The following BDH1 variants were observed in gnomAD, a reference collection of about 807,000 sequenced individuals.
BDH1 encodes the protein D-beta-hydroxybutyrate dehydrogenase, mitochondrial.
In BDH1, 30 loss-of-function variants were observed where a neutral mutation model predicts 33.1. The ratio of observed to expected loss-of-function variants is 0.91; its 90% CI spans 0.68 to 1.23. BDH1 has a LOEUF of 1.23. BDH1 is among the 50% of genes most tolerant of loss of function. BDH1 has a pLI of 0.00. For missense variants in BDH1, 443 were observed against 464.4 expected (o/e 0.95, Z 0.42); for synonymous variants, 190 against 183.6 (o/e 1.03, Z -0.28).
In BDH1 at chr3:197,522,052, C is replaced by A. The variant is rs1713608836; in HGVS notation, c.409+588G>T. Among the ~76,000 whole-genome samples, 1 of 152,130 alleles carries A rather than the reference C, an allele frequency of 6.6e-6. No individual in the cohort carries two copies. Among genetic ancestry groups the A allele is most frequent in the Non-Finnish European group, 1.5e-5 (1 of 68,020 alleles). ...CTGACCCATGACTCATATTGAGGTG[C>A]CGGCTAATCCCACCACTTGACCAAC... On this transcript the variant is annotated intron_variant, in intron 6 of 7. Coordinates refer to ENST00000392379, the MANE Select transcript of BDH1 (RefSeq NM_203314.3). This position sits in a 1 kb window ranked among gnomAD's most constrained non-coding sequence, Gnocchi z 4.8.
intron 7 of BDH1, among the ~76,000 whole-genome samples, chr3:197,513,033 C>A (rs1712246768): frequency 6.6e-6 from 1 of 152,142 alleles, no homozygotes. Context: ...GGGTGGAGAC[C>A]AGGACCGCCT....
intron 4 of BDH1, 118 bp downstream of exon 4, chr3:197,533,371 G>T: frequency 2.0e-6 from 2 of 1,018,626 alleles, no homozygotes; most frequent in East Asian, 2.4e-5. Flanking sequence ...TGAGAAAGTG[G>T]CTCCCAGTGT....
chr3:197,511,986 CGGGTGT>C lies in BDH1; in HGVS notation c.935_940del (p.Tyr312_Arg314delinsCys), dbSNP rs747438713. ...CCAGTAGTAGTCCATGGGGTGGTAG[CGGGTGT>C]AGGGGGTGGTGGCGGTCAGGGCGTG... On this transcript the variant is annotated inframe_deletion, in exon 8 of 8. Coordinates refer to ENST00000392379, the MANE Select transcript of BDH1 (RefSeq NM_203314.3). 1 of 1,611,596 alleles carries C rather than the reference CGGGTGT, an allele frequency of 6.2e-7. No homozygotes were observed. Among genetic ancestry groups the C allele is most frequent in the Admixed American group, 1.7e-5 (1 of 59,906 alleles).
At chr3:197,513,353 C>T (rs898567427) in intron 7 of BDH1, among the ~76,000 whole-genome samples, 12 of 145,414 alleles carry the variant, frequency 8.3e-5, no homozygotes, top group African/African-American at 1.0e-4. Flanking sequence ...GGTGTGTCCC[C>T]GGGAGGGCAC....
chr3:197,542,823 G>A (rs1278634585), intron 3 of BDH1, among the ~76,000 whole-genome samples: 2 of 151,942 alleles, frequency 1.3e-5, no homozygotes, highest in Non-Finnish European at 2.9e-5. Context: ...CGCCCCCACC[G>A]GTCAACACAC....
At chr3:197,557,823 G>A (rs1717124387), upstream of BDH1, among the ~76,000 whole-genome samples, 1 of 152,218 alleles carries the variant, frequency 6.6e-6, no homozygotes, top group Non-Finnish European at 1.5e-5. The surrounding 1 kb of genome is among the most constrained non-coding windows in gnomAD (Gnocchi z 4.6). Flanking sequence ...ATACAGCCTT[G>A]AAGACTGGGA....
In BDH1 at chr3:197,523,753, C is replaced by T. The variant is rs191575354; in HGVS notation, c.268-972G>A. On this transcript the variant is annotated intron_variant, in intron 5 of 7. Transcript: ENST00000392379. This position sits in a 1 kb window ranked among gnomAD's most constrained non-coding sequence, Gnocchi z 4.5. ...AACCTGGCGGGAGGTGGGAGGGGCA[C>T]AGGAGGGACGGGCAGGGGAGACCTT... Among the ~76,000 whole-genome samples the T allele has an allele frequency of 7.2e-5, 11 of 152,200 alleles. No homozygotes were observed. The East Asian group carries it at 2.1e-3, about 29-fold the overall frequency.
chr3:197,552,372 A>G (rs1579996223), intron 2 of BDH1, among the ~76,000 whole-genome samples: 1 of 152,196 alleles, frequency 6.6e-6, no homozygotes, highest in Non-Finnish European at 1.5e-5. Context: ...TCTGGTCAAC[A>G]CAGCCTGCAG....
At position 197,549,975 on chromosome 3, in the gene BDH1, T is replaced by TTATTTTTATATATATATATATATATA. The variant is rs1553875236; in HGVS notation, c.-43-3490_-43-3489insTATATATATATATATATATAAAAATA. On this transcript the variant is annotated intron_variant, in intron 2 of 7. Transcript: ENST00000392379. ...TATATGCACTATAATCAAATAACTA[T>TTATTTTTATATATATATATATATATA]TATATATATATTTGGCCATTCCTCT... is the stretch of plus-strand genomic sequence containing the variant. 8.9e-5 allele frequency among the ~76,000 whole-genome samples: 13 copies of TTATTTTTATATATATATATATATATA among 146,884 alleles called. 1 individual carries two copies. Among genetic ancestry groups the TTATTTTTATATATATATATATATATA allele is most frequent in the African/African-American group, 2.7e-4 (10 of 37,648 alleles).
intron 2 of BDH1, among the ~76,000 whole-genome samples, chr3:197,551,331 T>G (rs1046644626): frequency 1.3e-5 from 2 of 152,258 alleles, no homozygotes; most frequent in African/African-American, 4.8e-5. Context: ...AAGCTTGTCT[T>G]TCTGTGCCTG....
intron 2 of BDH1, among the ~76,000 whole-genome samples, chr3:197,553,334 T>A (rs1298434458): frequency 6.7e-6 from 1 of 149,218 alleles, no homozygotes; most frequent in African/African-American, 2.4e-5. Flanking sequence ...ATCGAGACCA[T>A]CCTGGCCAAC....
chr3:197,512,204 G>T lies in BDH1; in HGVS notation c.723C>A (p.Phe241Leu). Residue 241 changes from phenylalanine (F) to leucine (L), a missense_variant, in exon 8 of 8, where the codon TTC (phenylalanine) becomes TTA (leucine). By Grantham distance (22) the Phe-to-Leu change is conservative. Transcript: ENST00000392379. ...GGCTGTAAAGGCTGGTGGCAGCGAT[G>T]AAGTTGCCGGGCTCCACCACGCTGA... ...VKVSVVEPGN[F>L]IAATSLYSPE... 1 of 1,614,026 alleles carries T rather than the reference G, an allele frequency of 6.2e-7. No homozygotes were observed. The highest frequency in any genetic ancestry group is 8.5e-7 in the Non-Finnish European group (1 of 1,180,034).
At position 197,510,670 on chromosome 3, in the gene BDH1, GTACA is replaced by G. The variant is rs1372718579; in HGVS notation, c.*1221_*1224del. 1,689 of 44,310 alleles carry G rather than the reference GTACA, an allele frequency of 0.038. 123 individuals are homozygous for G. Among genetic ancestry groups the G allele is most frequent in the African/African-American group, 0.046 (469 of 10,242 alleles). 2.7% of individuals were successfully genotyped at this position (44,310 alleles called of 1,614,324 possible). On this transcript the variant is annotated 3_prime_UTR_variant, in exon 8 of 8. Transcript: ENST00000392379. ...TGTGTGTGTGTGTGTGTGTGTGTGT[GTACA>G]TGTGTGTAAGGTGTGTGTGTGTGTG...
At chr3:197,551,612 T>C (rs1716574992) in intron 2 of BDH1, among the ~76,000 whole-genome samples, 1 of 152,212 alleles carries the variant, frequency 6.6e-6, no homozygotes, top group Non-Finnish European at 1.5e-5. Context: ...CTGGATCCTA[T>C]GGTAGCTCTA....
intron 1 of BDH1, among the ~76,000 whole-genome samples, chr3:197,563,919 T>C (rs1056192385): frequency 6.6e-6 from 1 of 151,930 alleles, no homozygotes; most frequent in African/African-American, 2.4e-5. Context: ...CTGGTCAACA[T>C]GGTAAAATCC....
intron 3 of BDH1, among the ~76,000 whole-genome samples, chr3:197,543,749 G>A (rs1352430905): frequency 6.6e-6 from 1 of 152,172 alleles, no homozygotes; most frequent in African/African-American, 2.4e-5. Flanking sequence ...TCAGCGGGGA[G>A]ACCTGGATGA....
chr3:197,571,829 A>C, intron 1 of BDH1, among the ~76,000 whole-genome samples: 1 of 152,246 alleles, frequency 6.6e-6, no homozygotes, highest in African/African-American at 2.4e-5. Context: ...TTGGGAGAAC[A>C]AGATGGGAGG....
rs372898786 is a variant in BDH1 at position 197,572,371 on chromosome 3, CACTT to C, written c.-44+806_-44+809del. On this transcript the variant is annotated intron_variant, in intron 1 of 6. Transcript: ENST00000358186. ...TAGTTATAGATTAGAAGAAGTTAAT[CACTT>C]ACTTATGTCTTTAGATGAATGCACA... is the stretch of plus-strand genomic sequence containing the variant. Among the ~76,000 whole-genome samples, 138 of 152,196 alleles carry C rather than the reference CACTT, an allele frequency of 9.1e-4. 3 individuals are homozygous for C. Among genetic ancestry groups the C allele is most frequent in the Non-Finnish European group, 1.8e-4 (12 of 68,038 alleles).
chr3:197,558,093 A>G (rs1717135810), upstream of BDH1, among the ~76,000 whole-genome samples: 1 of 152,386 alleles, frequency 6.6e-6, no homozygotes, highest in Non-Finnish European at 1.5e-5. Flanking sequence ...TCCTATTTGC[A>G]TAAGACAGAA....
Sources: gnomAD v4.1 joint callset for allele counts (sites outside exome capture counted in the v4.1 genomes callset) on GRCh38, gnomAD v4.1.1 for gene constraint, Gnocchi (gnomAD v3.1) non-coding constraint, MANE v1.5 for transcripts, NCBI Gene and HGNC (gene_info 2026-07-23, HGNC 2026-07-21) for gene names.